B4GALT1: variants seen among roughly 807,000 people sequenced by gnomAD.
B4GALT1 encodes beta-1,4-galactosyltransferase 1, also known as N-acetyllactosamine synthase.
B4GALT1 carries 16 observed loss-of-function variants against 34.9 expected under a neutral mutation model. The observed-to-expected ratio is 0.46, with a 90% CI of 0.31 to 0.70. The LOEUF is 0.70. B4GALT1 is among the 30% of genes least tolerant of loss of function. The pLI is 0.05. For synonymous variants in B4GALT1, 221 were observed against 218.1 expected (o/e 1.01, Z -0.12); for missense variants, 445 against 530.5 (o/e 0.84, Z 1.58).
chr9:33,136,567 G>C (rs779249776), intron 1 of B4GALT1, among the ~76,000 whole-genome samples: 39 of 152,232 alleles, frequency 2.6e-4, no homozygotes, highest in Admixed American at 8.5e-4. Flanking sequence ...TCCTGCTTCT[G>C]CAAAGTCACG....
At chr9:33,179,235 T>TG in the B4GALT1 span, 2 of 152,198 alleles carry the variant, frequency 1.3e-5, no homozygotes, top group African/African-American at 4.8e-5. Context: ...CCTCCATGAA[T>TG]TTTTCTTTTT....
intron 1 of B4GALT1, among the ~76,000 whole-genome samples, chr9:33,159,178 G>T (rs940902856): frequency 1.3e-5 from 2 of 152,168 alleles, no homozygotes; most frequent in Non-Finnish European, 2.9e-5. Context: ...ACCAATGACA[G>T]CTCTGCGGTT....
At chr9:33,159,069 C>T (rs183433620) in intron 1 of B4GALT1, among the ~76,000 whole-genome samples, 4 of 152,256 alleles carry the variant, frequency 2.6e-5, no homozygotes, top group Non-Finnish European at 5.9e-5. Flanking sequence ...AATCCCATAA[C>T]GCAAATACCA....
upstream of B4GALT1, among the ~76,000 whole-genome samples, chr9:33,169,251 ATC>A (rs1327410471): frequency 1.3e-5 from 2 of 152,160 alleles, no homozygotes; most frequent in African/African-American, 4.8e-5. Flanking sequence ...ACCCTGTTCA[ATC>A]TGGTTCCTAT....
At chr9:33,145,198 C>T (rs1352725148) in intron 1 of B4GALT1, among the ~76,000 whole-genome samples, 2 of 152,136 alleles carry the variant, frequency 1.3e-5, no homozygotes, top group Non-Finnish European at 2.9e-5. Context: ...CACCACCCCC[C>T]AACCCCTCCA....
chr9:33,120,566 A>G lies in B4GALT1; in HGVS notation c.689T>C (p.Val230Ala). The G allele has an allele frequency of 6.2e-7, 1 of 1,614,248 alleles. No individual in the cohort carries two copies. The highest frequency in any genetic ancestry group is 8.5e-7 in the Non-Finnish European group (1 of 1,180,038). Residue 230 changes from valine to alanine, a missense_variant, in exon 3 of 6, where the codon GTT (valine) becomes GCT (alanine). This residue lies in a region of B4GALT1 where 349 missense variants were observed against 395.5 expected (regional missense o/e 0.88). Transcript: ENST00000379731. ...GTCCTTCAAGGCTTCTTGAAAGCCA[A>G]CATTGAGGAGCTTAGCACGATTGAA... is the stretch of plus-strand genomic sequence containing the variant. ...TIFNRAKLLN[V>A]GFQEALKDYD... is the part of the protein sequence containing the mutation.
chr9:33,172,921 A>T, the B4GALT1 span, among the ~76,000 whole-genome samples: 1 of 140,722 alleles, frequency 7.1e-6, no homozygotes, highest in Non-Finnish European at 1.6e-5. Flanking sequence ...CCCAACCAGG[A>T]TAGGGAGGGG....
upstream of B4GALT1, among the ~76,000 whole-genome samples, chr9:33,171,924 A>G (rs1006097310): frequency 5.3e-5 from 8 of 152,176 alleles, no homozygotes; most frequent in East Asian, 3.8e-4. Context: ...AGTTTGCCCA[A>G]TGGCCACAGA....
At chr9:33,163,465 C>T (rs1840704208) in intron 1 of B4GALT1, among the ~76,000 whole-genome samples, 1 of 152,186 alleles carries the variant, frequency 6.6e-6, no homozygotes, top group Admixed American at 6.5e-5. Flanking sequence ...CAGTCTAACA[C>T]TCACTCCCCT....
chr9:33,119,223 CAAGTTTATTT>C (rs1208877567), intron 3 of B4GALT1, among the ~76,000 whole-genome samples: 1 of 152,076 alleles, frequency 6.6e-6, no homozygotes, highest in South Asian at 2.1e-4. Context: ...AAACAATATA[CAAGTTTATTT>C]ATATATTTAC....
At chr9:33,126,040 T>C (rs1238035842) in intron 2 of B4GALT1, among the ~76,000 whole-genome samples, 1 of 152,170 alleles carries the variant, frequency 6.6e-6, no homozygotes, top group East Asian at 1.9e-4. Flanking sequence ...CTGTTGCTCC[T>C]ATACACATGC....
At chr9:33,145,328 C>T (rs905591737) in intron 1 of B4GALT1, among the ~76,000 whole-genome samples, 3 of 152,220 alleles carry the variant, frequency 2.0e-5, no homozygotes, top group Non-Finnish European at 4.4e-5. Context: ...CTAAGCCTCA[C>T]ATAGCCACAC....
downstream of B4GALT1, among the ~76,000 whole-genome samples, chr9:33,110,023 C>T (rs1395362953): frequency 6.6e-6 from 1 of 152,256 alleles, no homozygotes; most frequent in African/African-American, 2.4e-5. Context: ...GGCCTGAGGT[C>T]ACCAGGGATC....
At chr9:33,145,641 C>G (rs955437235) in intron 1 of B4GALT1, among the ~76,000 whole-genome samples, 1 of 128,026 alleles carries the variant, frequency 7.8e-6, no homozygotes, top group Non-Finnish European at 1.6e-5. Flanking sequence ...GAAGGCCATA[C>G]AGGAAGACAG....
chr9:33,144,252 G>C (rs1007751127), intron 1 of B4GALT1, among the ~76,000 whole-genome samples: 4 of 150,696 alleles, frequency 2.7e-5, no homozygotes, highest in African/African-American at 9.8e-5. Flanking sequence ...ATTTATTTTT[G>C]AGGAGGAGTC....
chr9:33,147,678 A>T (rs1446439333), intron 1 of B4GALT1, among the ~76,000 whole-genome samples: 1 of 152,240 alleles, frequency 6.6e-6, no homozygotes, highest in Non-Finnish European at 1.5e-5. Context: ...GCATTAACAC[A>T]GTTACAGAAA....
At chr9:33,139,114 G>C in intron 1 of B4GALT1, among the ~76,000 whole-genome samples, 1 of 152,200 alleles carries the variant, frequency 6.6e-6, no homozygotes, top group East Asian at 1.9e-4. Flanking sequence ...CCTGTGATAT[G>C]TATCAAGACC....
At chr9:33,177,021 T>C in the B4GALT1 span, among the ~76,000 whole-genome samples, 1,112 of 152,314 alleles carry the variant, frequency 7.3e-3, 14 homozygotes, top group African/African-American at 0.025. Context: ...TAGGTTTTAA[T>C]TTACTTTGAG....
At chr9:33,132,721 T>C (rs1165970196) in intron 2 of B4GALT1, among the ~76,000 whole-genome samples, 1 of 152,136 alleles carries the variant, frequency 6.6e-6, no homozygotes, top group Non-Finnish European at 1.5e-5. Flanking sequence ...TGGCTAGATT[T>C]TACTGGTCCA....
Sources: gnomAD v4.1 joint callset for allele counts (sites outside exome capture counted in the v4.1 genomes callset) on GRCh38, gnomAD v4.1.1 for gene constraint, gnomAD v4.1.1 regional missense constraint, MANE v1.5 for transcripts, NCBI Gene and HGNC (gene_info 2026-07-23, HGNC 2026-07-21) for gene names.